The following ITGAV variants were observed in gnomAD, a reference collection of about 807,000 sequenced individuals.
The protein encoded by ITGAV is integrin alpha-V.
A neutral mutation model predicts 143.8 loss-of-function variants in ITGAV; 76 were observed. The observed-to-expected ratio is 0.53, with a 90% CI of 0.44 to 0.64. The LOEUF (loss-of-function observed/expected upper bound fraction) is 0.64. ITGAV is among the 30% of genes least tolerant of loss of function. The pLI, the probability that ITGAV is intolerant of heterozygous loss-of-function variation, is 0.00. For missense variants in ITGAV, 1,193 were observed against 1,274.7 expected (o/e 0.94, Z 0.98); for synonymous variants, 453 against 446.7 (o/e 1.01, Z -0.18).
chr2:186,675,459 A>T lies in ITGAV; in HGVS notation c.2707-145A>T, dbSNP rs1292223591. 19 of 617,498 alleles carry T rather than the reference A, an allele frequency of 3.1e-5. No individual in the cohort carries two copies. In the East Asian group the frequency reaches 4.7e-4, roughly 15 times the overall value. The allele number at this position is 617,498 out of a possible 1,614,324, so 38.3% of individuals were successfully genotyped here. On this transcript the variant is annotated intron_variant, in intron 26 of 29. Coordinates refer to ENST00000261023, the MANE Select transcript of ITGAV (RefSeq NM_002210.5). ...ACAATAAAAAGCATTCATAGACTCA[A>T]CTATTAGCCTGTTTATTTTCAAGAC...
chr2:186,598,103 A>G (rs909742569), intron 1 of ITGAV, among the ~76,000 whole-genome samples: 1 of 152,206 alleles, frequency 6.6e-6, no homozygotes, highest in Middle Eastern at 3.4e-3. Context: ...TACTGTGGCA[A>G]TGTCCCAAGC....
chr2:186,636,721 T>C (rs962045972), intron 7 of ITGAV, among the ~76,000 whole-genome samples: 18 of 152,336 alleles, frequency 1.2e-4, no homozygotes, highest in African/African-American at 4.1e-4. Flanking sequence ...AATTTCTTTA[T>C]GATATATTAA....
At chr2:186,598,070 G>T (rs1466493631) in intron 1 of ITGAV, among the ~76,000 whole-genome samples, 1 of 151,974 alleles carries the variant, frequency 6.6e-6, no homozygotes, top group Non-Finnish European at 1.5e-5. Flanking sequence ...ACATACCTGT[G>T]CTTGTATTAC....
rs1289578550 is a variant in ITGAV, at chr2:186,678,723, A to G, written c.*1431A>G. 2.2e-6 allele frequency: 1 copy of G among 455,902 alleles called. No homozygotes were observed. The allele number at this position is 455,902 out of a possible 1,614,324, so 28.2% of individuals were successfully genotyped here. A position where few individuals can be genotyped will look rare whatever the true frequency, so the allele number is the denominator to read the frequency against. On this transcript the variant is annotated 3_prime_UTR_variant, in exon 30 of 30. Coordinates refer to ENST00000261023, the MANE Select transcript of ITGAV (RefSeq NM_002210.5). The stretch of plus-strand genomic sequence containing the variant: ...CAAGGCCTGGGGATGATGATCAGTT[A>G]TACCTATTTTTGTGCAATTACATCA...
Position 186,598,458 on chromosome 2 carries a change from G to A in ITGAV, c.186-3563G>A, listed in dbSNP as rs1686810058. On this transcript the variant is annotated intron_variant, in intron 1 of 29. Coordinates refer to ENST00000261023, the MANE Select transcript of ITGAV (RefSeq NM_002210.5). Reference sequence around the variant, plus strand: ...AGCATTTTTTTTTTTTTTTTTTTGAGACAGAGTTTTCCTCTGTTGCCCAGG... The same window carrying A: ...AGCATTTTTTTTTTTTTTTTTTTGAAACAGAGTTTTCCTCTGTTGCCCAGG... Among the ~76,000 whole-genome samples the A allele has an allele frequency of 5.8e-5, 7 of 120,440 alleles. No individual in the cohort carries two copies. The South Asian group carries it at 1.6e-3, about 28-fold the overall frequency. 79.0% of individuals were successfully genotyped at this position (120,440 alleles called of 152,430 possible). A position where few individuals can be genotyped will look rare whatever the true frequency, so the allele number is the denominator to read the frequency against.
chr2:186,668,152 T>G (rs1305691711), intron 24 of ITGAV: 3 of 135,242 alleles, frequency 2.2e-5, no homozygotes, highest in African/African-American at 8.1e-5. Context: ...TTAATAACTT[T>G]TAAATATTTT....
At chr2:186,624,210 T>G (rs1574473942) in intron 3 of ITGAV, among the ~76,000 whole-genome samples, 2 of 152,208 alleles carry the variant, frequency 1.3e-5, no homozygotes, top group East Asian at 3.8e-4. Flanking sequence ...GATTTCTACT[T>G]GGCTAGCCCT....
In ITGAV at chr2:186,602,129, G is replaced by A. The variant is rs1425803416; in HGVS notation, c.294G>A (p.Gln98=). ...KCDWSSTRRC[Q]PIEFDATGNR... is the part of the protein sequence containing the mutation. Reference sequence around the variant, plus strand: ...ACTGGTCTTCTACCCGCCGGTGCCAGCCAATTGAATTTGATGCAACAGGTA... The same window carrying A: ...ACTGGTCTTCTACCCGCCGGTGCCAACCAATTGAATTTGATGCAACAGGTA... Residue 98 remains glutamine (Q), a synonymous_variant, in exon 2 of 30, where the codon CAG becomes CAA. Transcript: ENST00000261023. 4 of 1,610,414 alleles carry A rather than the reference G, an allele frequency of 2.5e-6. No individual in the cohort carries two copies. The highest frequency in any genetic ancestry group is 2.5e-6 in the Non-Finnish European group (3 of 1,178,298).
rs1468941886 is a variant in ITGAV at position 186,668,825 on chromosome 2, TATA to T, written c.2505_2507del (p.Asn836del). On this transcript the variant is annotated inframe_deletion, in exon 25 of 30. Transcript: ENST00000261023. ...GCTCCATCTTCAGTGGCCTTACAAA[TATA>T]ATAATAACACTCTGTTGTATATCCT... is the stretch of plus-strand genomic sequence containing the variant. The T allele has an allele frequency of 6.2e-7, 1 of 1,613,562 alleles. No homozygotes were observed. Among genetic ancestry groups the T allele is most frequent in the Non-Finnish European group, 8.5e-7 (1 of 1,179,610 alleles).
rs141696683 is a variant in ITGAV at position 186,666,468 on chromosome 2, T to C, written c.2167-236T>C. ...CTTTTTAGAAAGATGGTTAGTATTA[T>C]AAGGAGGTATAATTATGATTAATAA... On this transcript the variant is annotated intron_variant, in intron 21 of 29. Coordinates refer to ENST00000261023, the MANE Select transcript of ITGAV (RefSeq NM_002210.5). 3.1e-3 allele frequency among the ~76,000 whole-genome samples: 476 copies of C among 152,338 alleles called. 1 individual carries two copies. Among genetic ancestry groups the C allele is most frequent in the Middle Eastern group, 6.8e-3 (2 of 294 alleles).
chr2:186,668,216 A>ATTT lies in ITGAV; in HGVS notation c.2433+465_2433+467dup, dbSNP rs1186490756. ...TATATATATATATATATATATATAT[A>ATTT]TTTTTTTTTTTTTTTTTTTTTTTTT... is the stretch of plus-strand genomic sequence containing the variant. On this transcript the variant is annotated intron_variant, in intron 24 of 29. Transcript: ENST00000261023. 4.3e-3 allele frequency among the ~76,000 whole-genome samples: 18 copies of ATTT among 4,198 alleles called. 4 individuals carry two copies. The highest frequency in any genetic ancestry group is 0.01 in the African/African-American group (16 of 1,578). 2.8% of individuals were successfully genotyped at this position (4,198 alleles called of 152,430 possible).
At position 186,668,744 on chromosome 2, in the gene ITGAV, T is replaced by C. The variant is rs1688983618; in HGVS notation, c.2434-18T>C. The C allele has an allele frequency of 1.2e-6, 2 of 1,608,988 alleles. No homozygotes were observed. The highest frequency in any genetic ancestry group is 1.7e-6 in the Non-Finnish European group (2 of 1,178,544). On this transcript the variant is annotated intron_variant, in intron 24 of 29. Transcript: ENST00000261023. ...ATTTTTGCCCAAGGTGTAGATACAT[T>C]TTCTTTTTTCTCCTTAGCTGAGAAA...
At chr2:186,636,230 C>T in intron 7 of ITGAV, 23 bp downstream of exon 7, 2 of 1,598,236 alleles carry the variant, frequency 1.3e-6, no homozygotes, top group Non-Finnish European at 1.7e-6. Flanking sequence ...AAAATTTACT[C>T]ATTTTTGGAA....
intron 1 of ITGAV, among the ~76,000 whole-genome samples, chr2:186,599,390 C>G (rs957293377): frequency 3.3e-5 from 5 of 152,236 alleles, no homozygotes; most frequent in Admixed American, 1.3e-4. Context: ...ATACAGCATA[C>G]TGTCTCAGGC....
At chr2:186,598,436 A>AC (rs1686808813) in intron 1 of ITGAV, among the ~76,000 whole-genome samples, 1 of 117,420 alleles carries the variant, frequency 8.5e-6, no homozygotes, top group Non-Finnish European at 1.7e-5. Flanking sequence ...TACTCATAGC[A>AC]TTTTTTTTTT....
At chr2:186,634,675 C>G (rs1429402727) in intron 6 of ITGAV, among the ~76,000 whole-genome samples, 1 of 152,034 alleles carries the variant, frequency 6.6e-6, no homozygotes, top group Non-Finnish European at 1.5e-5. Context: ...ATTGGAATTT[C>G]TATGCATTAT....
At position 186,642,736 on chromosome 2, in the gene ITGAV, C is replaced by T. The variant is rs751779485; in HGVS notation, c.1159+1148C>T. 2.0e-5 allele frequency among the ~76,000 whole-genome samples: 3 copies of T among 151,600 alleles called. 1 individual carries two copies. Among genetic ancestry groups the T allele is most frequent in the Non-Finnish European group, 4.4e-5 (3 of 67,882 alleles). On this transcript the variant is annotated intron_variant, in intron 12 of 29. Coordinates refer to ENST00000261023, the MANE Select transcript of ITGAV (RefSeq NM_002210.5). ...GTAGAGCTGAGGTCTTCCCATGTTA[C>T]CCAGGCTGGTCTCTAACTCCTGAGC... is the stretch of plus-strand genomic sequence containing the variant.
chr2:186,609,136 G>A (rs1393441544), intron 2 of ITGAV, among the ~76,000 whole-genome samples: 1 of 152,144 alleles, frequency 6.6e-6, no homozygotes, highest in Non-Finnish European at 1.5e-5. Context: ...AAAGGTATAG[G>A]ATTAAAAGGG....
chr2:186,607,994 G>T (rs1037950968), intron 2 of ITGAV, among the ~76,000 whole-genome samples: 3 of 152,128 alleles, frequency 2.0e-5, no homozygotes, highest in African/African-American at 7.2e-5. Flanking sequence ...TGGAGTTGTT[G>T]CAAAAGATAT....
Sources: gnomAD v4.1 joint callset for allele counts (sites outside exome capture counted in the v4.1 genomes callset) on GRCh38, gnomAD v4.1.1 for gene constraint, MANE v1.5 for transcripts, NCBI Gene and HGNC (gene_info 2026-07-23, HGNC 2026-07-21) for gene names.